The following LRP1B variants were observed in gnomAD, a reference collection of about 807,000 sequenced individuals.
LRP1B encodes LDL receptor related protein 1B.
LRP1B carries 217 observed loss-of-function variants against 556.6 expected under a neutral mutation model. The observed-to-expected ratio is 0.39, with a 90% CI of 0.35 to 0.44. LRP1B has a LOEUF of 0.44. Ranked by LOEUF, LRP1B falls within the 20% of genes least tolerant of loss-of-function variation. The pLI, the probability that LRP1B is intolerant of heterozygous loss-of-function variation, is 1.00. For synonymous variants in LRP1B, 2,047 were observed against 1,865.8 expected, an observed-to-expected ratio of 1.10 and a Z score of -2.50; for missense variants, 5,053 against 5,620.8, an observed-to-expected ratio of 0.90 and a Z score of 3.23.
chr2:140,790,717 C>T (rs1690085911), intron 32 of LRP1B, among the ~76,000 whole-genome samples: 1 of 152,148 alleles, frequency 6.6e-6, no homozygotes, highest in South Asian at 2.1e-4. Flanking sequence ...CCTTGGTTTC[C>T]TCTTGGAGAT....
intron 7 of LRP1B, among the ~76,000 whole-genome samples, chr2:141,064,394 T>A (rs1699424210): frequency 6.6e-6 from 1 of 151,884 alleles, no homozygotes; most frequent in African/African-American, 2.4e-5. Context: ...TTCAAGAAAT[T>A]TTTCATTCTT....
chr2:141,277,171 G>T (rs1377479036), intron 3 of LRP1B, among the ~76,000 whole-genome samples: 3 of 150,266 alleles, frequency 2.0e-5, no homozygotes, highest in Non-Finnish European at 4.5e-5. Flanking sequence ...GGGATTCCTG[G>T]GTCAAACGAT....
At chr2:141,626,098 A>C (rs914605988) in intron 2 of LRP1B, among the ~76,000 whole-genome samples, 5 of 152,164 alleles carry the variant, frequency 3.3e-5, no homozygotes, top group African/African-American at 1.2e-4. Flanking sequence ...TACAAAACTC[A>C]CAGCACATGA....
intron 2 of LRP1B, among the ~76,000 whole-genome samples, chr2:141,554,545 A>G (rs1254565762): frequency 6.6e-6 from 1 of 151,822 alleles, no homozygotes; most frequent in Non-Finnish European, 1.5e-5. Flanking sequence ...CTCATATATG[A>G]AAGGAAAGAC....
At chr2:140,906,610 C>A (rs1449102320) in intron 22 of LRP1B, among the ~76,000 whole-genome samples, 1 of 151,982 alleles carries the variant, frequency 6.6e-6, no homozygotes, top group Admixed American at 6.6e-5. Flanking sequence ...GAAATTAAAT[C>A]ACCTAAAGAC....
intron 1 of LRP1B, among the ~76,000 whole-genome samples, chr2:141,975,300 T>A (rs941217313): frequency 2.0e-5 from 3 of 152,090 alleles, no homozygotes. Context: ...ACAGTTTTGT[T>A]TGAGTGTATG....
intron 2 of LRP1B, among the ~76,000 whole-genome samples, chr2:141,538,185 T>C (rs1485025611): frequency 6.6e-6 from 1 of 152,164 alleles, no homozygotes; most frequent in African/African-American, 2.4e-5. Context: ...ATTTGCTTGA[T>C]ATTCTGAGCA....
intron 6 of LRP1B, among the ~76,000 whole-genome samples, chr2:141,209,377 G>C (rs1682445113): frequency 6.6e-6 from 1 of 152,094 alleles, no homozygotes; most frequent in Non-Finnish European, 1.5e-5. Flanking sequence ...AGATGTGTTT[G>C]CTTCCCCTTC....
chr2:141,692,588 C>T (rs560218365), intron 2 of LRP1B, among the ~76,000 whole-genome samples: 4 of 151,886 alleles, frequency 2.6e-5, no homozygotes, highest in African/African-American at 7.2e-5. Context: ...CTTAACCTAC[C>T]GCAGTAGTTT....
At chr2:141,234,960 A>G (rs560065975) in intron 5 of LRP1B, among the ~76,000 whole-genome samples, 1 of 152,248 alleles carries the variant, frequency 6.6e-6, no homozygotes, top group African/African-American at 2.4e-5. Flanking sequence ...TAATGGTCAC[A>G]TTGATTTCTC....
intron 57 of LRP1B, among the ~76,000 whole-genome samples, chr2:140,490,749 T>C (rs1172556361): frequency 2.6e-5 from 4 of 152,194 alleles, no homozygotes; most frequent in Admixed American, 2.0e-4. Context: ...CAGCAGCCCA[T>C]AGGCAAAACT....
Position 140,837,013 on chromosome 2 carries a change from C to T in LRP1B, c.5209+2978G>A, listed in dbSNP as rs145922164. 5.9e-5 allele frequency among the ~76,000 whole-genome samples: 9 copies of T among 152,286 alleles called. No individual in the cohort carries two copies. The South Asian group carries it at 6.2e-4, about 11-fold the overall frequency. ...ATATATTTCCTCTACTACATTGCTA[C>T]GGAATCTATTCTGTTTATTTTCACT... On this transcript the variant is annotated intron_variant, in intron 31 of 90. Transcript: ENST00000389484.
At chr2:141,445,728 CG>C (rs1559074257) in intron 3 of LRP1B, among the ~76,000 whole-genome samples, 1 of 152,100 alleles carries the variant, frequency 6.6e-6, no homozygotes, top group African/African-American at 2.4e-5. Flanking sequence ...TGTAGTTATG[CG>C]TTTTGATTGA....
chr2:140,778,872 T>C (rs1573706291), intron 32 of LRP1B, among the ~76,000 whole-genome samples: 1 of 152,056 alleles, frequency 6.6e-6, no homozygotes, highest in East Asian at 1.9e-4. Flanking sequence ...AGAAAATTTG[T>C]AAAATATAGA....
chr2:141,503,823 T>C (rs1029784529), intron 2 of LRP1B, among the ~76,000 whole-genome samples: 24 of 152,120 alleles, frequency 1.6e-4, no homozygotes, highest in African/African-American at 5.8e-4. Context: ...TAAATATAAT[T>C]AAGGCAAACT....
chr2:141,533,711 G>C (rs1458390416), intron 2 of LRP1B, among the ~76,000 whole-genome samples: 2 of 152,106 alleles, frequency 1.3e-5, no homozygotes, highest in Non-Finnish European at 2.9e-5. Flanking sequence ...TCAATATGGG[G>C]TCCATGTGGG....
At chr2:141,718,072 T>A (rs991078414) in intron 2 of LRP1B, among the ~76,000 whole-genome samples, 2 of 152,156 alleles carry the variant, frequency 1.3e-5, no homozygotes, top group African/African-American at 4.8e-5. Flanking sequence ...TTATCAGATC[T>A]TGCAAGTCAC....
chr2:141,875,691 G>A (rs1698733381), intron 1 of LRP1B, among the ~76,000 whole-genome samples: 1 of 152,022 alleles, frequency 6.6e-6, no homozygotes. Context: ...TTCATTTAAG[G>A]TAAGTTCCCC....
At chr2:140,284,492 G>A (rs1032290992) in intron 84 of LRP1B, among the ~76,000 whole-genome samples, 1 of 151,528 alleles carries the variant, frequency 6.6e-6, no homozygotes, top group Non-Finnish European at 1.5e-5. Flanking sequence ...CCTAACTGGA[G>A]GGCAGGCAAC....
Sources: gnomAD v4.1 joint callset for allele counts (sites outside exome capture counted in the v4.1 genomes callset) on GRCh38, gnomAD v4.1.1 for gene constraint, MANE v1.5 for transcripts, NCBI Gene and HGNC (gene_info 2026-07-23, HGNC 2026-07-21) for gene names.